Variants in CALN1 observed in about 807,000 individuals in gnomAD.
CALN1 encodes calneuron 1.
A neutral mutation model predicts 30.6 loss-of-function variants in CALN1; 17 were observed. The observed-to-expected ratio is 0.56, with a 90% CI of 0.38 to 0.83. The LOEUF (loss-of-function observed/expected upper bound fraction) is 0.83, where lower values mean the gene tolerates loss of function less well. Ranked by LOEUF, CALN1 falls within the 40% of genes least tolerant of loss-of-function variation. The probability of loss-of-function intolerance (pLI) is 0.00; values close to 1 mark genes in which losing one functional copy is unlikely to be tolerated. For missense variants in CALN1, 291 were observed against 354.9 expected (o/e 0.82, Z 1.45); for synonymous variants, 156 against 131.4 (o/e 1.19, Z -1.28).
chr7:72,436,137 T>C (rs1808151125), intron 1 of CALN1, among the ~76,000 whole-genome samples: 1 of 152,216 alleles, frequency 6.6e-6, no homozygotes, highest in Non-Finnish European at 1.5e-5. Flanking sequence ...CTGGGATTAG[T>C]CCCAGGGCTC....
chr7:72,388,235 G>C (rs116086783), intron 2 of CALN1, among the ~76,000 whole-genome samples: 1 of 152,068 alleles, frequency 6.6e-6, no homozygotes, highest in Admixed American at 6.5e-5. Flanking sequence ...ATAAATATGA[G>C]TTATTGTATC....
At chr7:72,011,580 C>A (rs1800085185) in intron 5 of CALN1, among the ~76,000 whole-genome samples, 1 of 152,224 alleles carries the variant, frequency 6.6e-6, no homozygotes, top group Non-Finnish European at 1.5e-5. Context: ...AGCTTCCATG[C>A]CTGTCTCGCT....
At chr7:72,132,521 C>G (rs1245622511) in intron 3 of CALN1, among the ~76,000 whole-genome samples, 1 of 152,084 alleles carries the variant, frequency 6.6e-6, no homozygotes, top group African/African-American at 2.4e-5. Context: ...CTCCAGTTAA[C>G]TGACATATAG....
intron 3 of CALN1, among the ~76,000 whole-genome samples, chr7:72,266,845 C>G (rs1338426796): frequency 1.3e-5 from 2 of 152,180 alleles, no homozygotes; most frequent in Non-Finnish European, 2.9e-5. Flanking sequence ...CTGCTCTGCC[C>G]TGCTAACAAA....
chr7:72,294,646 G>A (rs1585391266), intron 2 of CALN1, among the ~76,000 whole-genome samples: 1 of 151,936 alleles, frequency 6.6e-6, no homozygotes, highest in South Asian at 2.1e-4. Context: ...CTACTTCGGA[G>A]ACTGAGGTGG....
At chr7:71,845,568 T>C (rs1262652006) in intron 5 of CALN1, among the ~76,000 whole-genome samples, 2 of 152,132 alleles carry the variant, frequency 1.3e-5, no homozygotes, top group African/African-American at 4.8e-5. Context: ...TGCTTTATGA[T>C]TTTCTGCCTC....
chr7:72,403,193 C>G, intron 2 of CALN1, 58 bp downstream of exon 2: 1 of 1,394,730 alleles, frequency 7.2e-7, no homozygotes, highest in Non-Finnish European at 9.8e-7. Flanking sequence ...CCGCGCCACC[C>G]CCTACCTGAG....
chr7:72,043,622 T>C (rs1222893826), intron 4 of CALN1, among the ~76,000 whole-genome samples: 1 of 151,876 alleles, frequency 6.6e-6, no homozygotes, highest in African/African-American at 2.4e-5. Flanking sequence ...TAAAAAAAAC[T>C]TGGCCAGGCA....
At chr7:72,180,743 A>G (rs1440144105) in intron 3 of CALN1, among the ~76,000 whole-genome samples, 1 of 151,280 alleles carries the variant, frequency 6.6e-6, no homozygotes, top group Non-Finnish European at 1.5e-5. Context: ...ACGTAGCTGA[A>G]GGCTACCACC....
chr7:72,454,383 G>A, the CALN1 span, among the ~76,000 whole-genome samples: 4 of 152,164 alleles, frequency 2.6e-5, no homozygotes, highest in African/African-American at 9.7e-5. Flanking sequence ...AGAGAGAGGG[G>A]CAGCTGAAAG....
At chr7:71,963,780 G>C (rs74587518) in intron 5 of CALN1, among the ~76,000 whole-genome samples, 5 of 151,832 alleles carry the variant, frequency 3.3e-5, no homozygotes, top group Admixed American at 3.3e-4. Flanking sequence ...AATGCTACAC[G>C]TACATTAACT....
intron 4 of CALN1, among the ~76,000 whole-genome samples, chr7:72,060,892 G>A (rs1803600947): frequency 6.6e-6 from 1 of 152,216 alleles, no homozygotes; most frequent in African/African-American, 2.4e-5. Context: ...CTACAGAACT[G>A]TGAGCCAAAT....
At chr7:71,920,054 T>C (rs1032143069) in intron 5 of CALN1, among the ~76,000 whole-genome samples, 2 of 152,188 alleles carry the variant, frequency 1.3e-5, no homozygotes, top group Non-Finnish European at 2.9e-5. Context: ...TTCAAAAGCA[T>C]ATGAAAGCTT....
intron 4 of CALN1, among the ~76,000 whole-genome samples, chr7:72,050,189 G>C (rs974247056): frequency 1.3e-5 from 2 of 152,188 alleles, no homozygotes; most frequent in Middle Eastern, 6.8e-3. Context: ...GGTGACCTCT[G>C]TAAGATTATG....
the CALN1 span, among the ~76,000 whole-genome samples, chr7:72,483,312 G>A: frequency 5.2e-4 from 72 of 137,968 alleles, no homozygotes; most frequent in African/African-American, 1.8e-3. Context: ...TGAGACAAAG[G>A]CTTGCTCTGT....
chr7:72,054,226 T>C (rs1331717560), intron 4 of CALN1, among the ~76,000 whole-genome samples: 1 of 151,928 alleles, frequency 6.6e-6, no homozygotes, highest in African/African-American at 2.4e-5. Context: ...CCACACTGTT[T>C]TCCGTAGCGG....
chr7:72,226,332 CA>C (rs1364576178), intron 3 of CALN1, among the ~76,000 whole-genome samples: 1 of 151,668 alleles, frequency 6.6e-6, no homozygotes, highest in Non-Finnish European at 1.5e-5. Context: ...ATGATTTCCC[CA>C]ACTGCAAAAT....
intron 3 of CALN1, among the ~76,000 whole-genome samples, chr7:72,257,664 C>T (rs925516783): frequency 3.9e-5 from 6 of 152,152 alleles, no homozygotes; most frequent in Non-Finnish European, 7.3e-5. Flanking sequence ...CAAGCACACA[C>T]GTTTATAGCA....
At chr7:72,031,241 G>C (rs576632086) in intron 4 of CALN1, among the ~76,000 whole-genome samples, 1 of 152,240 alleles carries the variant, frequency 6.6e-6, no homozygotes, top group Non-Finnish European at 1.5e-5. Flanking sequence ...ATGGCGACCA[G>C]GTACACAGAG....
Sources: gnomAD v4.1 joint callset for allele counts (sites outside exome capture counted in the v4.1 genomes callset) on GRCh38, gnomAD v4.1.1 for gene constraint, MANE v1.5 for transcripts, NCBI Gene and HGNC (gene_info 2026-07-23, HGNC 2026-07-21) for gene names.